The following ERI3 variants were observed in gnomAD, a reference collection of about 807,000 sequenced individuals.
ERI3 encodes ERI1 exoribonuclease family member 3.
Under a neutral mutation model 44.4 loss-of-function variants are expected in ERI3, and 18 were observed. That is an observed-to-expected ratio of 0.41 (90% CI 0.28 to 0.60). The LOEUF is 0.60. Among genes scored for constraint, ERI3 ranks in the 20% least tolerant of loss-of-function variants. The pLI is 0.36. For missense variants in ERI3, 294 were observed against 435.5 expected (o/e 0.68, Z 2.89); for synonymous variants, 183 against 164.8 (o/e 1.11, Z -0.84).
At chr1:44,233,474 G>A (rs1405026571) in intron 8 of ERI3, among the ~76,000 whole-genome samples, 4 of 151,392 alleles carry the variant, frequency 2.6e-5, no homozygotes, top group Non-Finnish European at 1.5e-5. Context: ...TACGGTCTCG[G>A]CTCACTGCAA....
chr1:44,327,923 G>C (rs1027706720), intron 3 of ERI3, among the ~76,000 whole-genome samples: 3 of 152,226 alleles, frequency 2.0e-5, no homozygotes, highest in Non-Finnish European at 4.4e-5. Context: ...AGTAACAAGT[G>C]ATCAAGACAG....
At chr1:44,310,959 GCGCGCACACACACACACACA>G (rs1372529283) in intron 5 of ERI3, among the ~76,000 whole-genome samples, 11 of 81,256 alleles carry the variant, frequency 1.4e-4, no homozygotes, top group Admixed American at 9.1e-4. Flanking sequence ...CATCGCGCGC[GCGCGCACACACACACACACA>G]CACACACACA....
rs560437746 is a variant in ERI3, at chr1:44,328,681, G to C, written c.490-8937C>G. Among the ~76,000 whole-genome samples the C allele has an allele frequency of 5.3e-5, 8 of 152,306 alleles. No homozygotes were observed. In the East Asian group the frequency reaches 1.2e-3, roughly 22 times the overall value. ...TTTCTAACAAGCTCCCAGGTGATGA[G>C]GATGCTGCTGGTTCTCAGACCACAA... On this transcript the variant is annotated intron_variant, in intron 3 of 8. Transcript: ENST00000372257.
chr1:44,258,495 C>A (rs1644824259), intron 7 of ERI3, among the ~76,000 whole-genome samples: 1 of 152,140 alleles, frequency 6.6e-6, no homozygotes, highest in South Asian at 2.1e-4. Flanking sequence ...TTAGATTGTT[C>A]ATGTAACACC....
chr1:44,254,505 C>T (rs1287518637), intron 7 of ERI3, among the ~76,000 whole-genome samples: 1 of 152,182 alleles, frequency 6.6e-6, no homozygotes, highest in Non-Finnish European at 1.5e-5. Flanking sequence ...TTTTTAACAC[C>T]CTGCCTACTT....
chr1:44,281,601 AATATATATATATATATAT>A (rs1553189558), intron 7 of ERI3, among the ~76,000 whole-genome samples: 1 of 128,056 alleles, frequency 7.8e-6, no homozygotes, highest in African/African-American at 3.3e-5. Context: ...AAAAAAAAAA[AATATATATATATATATAT>A]AATATATATA....
chr1:44,237,498 G>C (rs1019277402), intron 8 of ERI3, among the ~76,000 whole-genome samples: 6 of 152,208 alleles, frequency 3.9e-5, no homozygotes, highest in Non-Finnish European at 8.8e-5. Flanking sequence ...CCATTTTCAA[G>C]AGGAAGAAAC....
chr1:44,296,399 G>A lies in ERI3; in HGVS notation c.759-11492C>T, dbSNP rs189894876. Among the ~76,000 whole-genome samples the A allele has an allele frequency of 1.4e-3, 216 of 152,236 alleles. 1 individual carries two copies. Among genetic ancestry groups the A allele is most frequent in the African/African-American group, 4.9e-3 (205 of 41,538 alleles). Reference sequence around the variant, plus strand: ...TTCCATTCCTTTCCCCACCCCACGCGCTGCCTCCAGCCACATACACCAGGA... The same window carrying A: ...TTCCATTCCTTTCCCCACCCCACGCACTGCCTCCAGCCACATACACCAGGA... On this transcript the variant is annotated intron_variant, in intron 6 of 8. Transcript: ENST00000372257.
intron 3 of ERI3, among the ~76,000 whole-genome samples, chr1:44,332,815 T>C (rs1005353612): frequency 1.3e-5 from 2 of 151,754 alleles, no homozygotes; most frequent in Non-Finnish European, 2.9e-5. Flanking sequence ...AACAGCAGCC[T>C]GTGGAGGAAG....
intron 2 of ERI3, among the ~76,000 whole-genome samples, chr1:44,342,846 T>TATATATATA (rs1646703566): frequency 2.9e-5 from 1 of 34,520 alleles, no homozygotes; most frequent in African/African-American, 1.4e-4. Context: ...TATATATATA[T>TATATATATA]ATATATATAT....
chr1:44,314,150 TG>T (rs1347118232), intron 4 of ERI3, among the ~76,000 whole-genome samples: 2 of 110,068 alleles, frequency 1.8e-5, no homozygotes, highest in Non-Finnish European at 4.2e-5. Context: ...TTTTAAAGTG[TG>T]TTGGGGGGGG....
rs547234552 is a variant in ERI3, at chr1:44,286,193, G to C, written c.759-1286C>G. ...CCAGCATTTGGTCAATTTTATTATT[G>C]TTTTAAAATGCTCTACCTGTAGCAT... On this transcript the variant is annotated intron_variant, in intron 6 of 8. Transcript: ENST00000372257. Among the ~76,000 whole-genome samples, 7 of 152,282 alleles carry C rather than the reference G, an allele frequency of 4.6e-5. 1 individual carries two copies. The South Asian group carries it at 1.5e-3, about 32-fold the overall frequency.
chr1:44,351,782 C>T (rs1040601811), intron 2 of ERI3, among the ~76,000 whole-genome samples: 18 of 152,306 alleles, frequency 1.2e-4, no homozygotes, highest in African/African-American at 3.8e-4. Context: ...ATTGAACTTT[C>T]TCAAATTCAA....
intron 7 of ERI3, among the ~76,000 whole-genome samples, chr1:44,263,072 G>A (rs1434580655): frequency 1.3e-5 from 2 of 152,212 alleles, no homozygotes; most frequent in African/African-American, 2.4e-5. Flanking sequence ...GGAAAGGGAT[G>A]TTGAAATGGG....
intron 6 of ERI3, among the ~76,000 whole-genome samples, chr1:44,303,268 A>C (rs913834939): frequency 6.6e-5 from 10 of 152,222 alleles, no homozygotes; most frequent in African/African-American, 2.4e-4. Context: ...TTAGCAGCAT[A>C]GTTCTCTAAC....
chr1:44,347,573 C>T (rs917632530), intron 2 of ERI3, among the ~76,000 whole-genome samples: 3 of 152,116 alleles, frequency 2.0e-5, no homozygotes, highest in Non-Finnish European at 4.4e-5. Context: ...TCAAATCTCC[C>T]CCCTTTTGGT....
chr1:44,227,949 A>C (rs1223943678), intron 8 of ERI3, among the ~76,000 whole-genome samples: 2 of 152,212 alleles, frequency 1.3e-5, no homozygotes, highest in African/African-American at 4.8e-5. Flanking sequence ...GAAGTGCTTA[A>C]AACAGTAGCT....
intron 8 of ERI3, among the ~76,000 whole-genome samples, chr1:44,245,810 T>A (rs1029390982): frequency 1.3e-5 from 2 of 152,152 alleles, no homozygotes; most frequent in African/African-American, 4.8e-5. Context: ...GGCACCCAGA[T>A]AAAGTATATG....
intron 3 of ERI3, chr1:44,323,086 G>A (rs940420056): frequency 5.5e-5 from 30 of 547,478 alleles, no homozygotes; most frequent in Middle Eastern, 5.2e-4. Flanking sequence ...ACAGTTTTGT[G>A]TAAAAGTAGC....
Sources: gnomAD v4.1 joint callset for allele counts (sites outside exome capture counted in the v4.1 genomes callset) on GRCh38, gnomAD v4.1.1 for gene constraint, MANE v1.5 for transcripts, NCBI Gene and HGNC (gene_info 2026-07-23, HGNC 2026-07-21) for gene names.